ATRX: variants seen among roughly 807,000 people sequenced by gnomAD.
The protein encoded by ATRX is ATRX chromatin remodeler.
Under a neutral mutation model 172.6 loss-of-function variants are expected in ATRX, and 12 were observed. The ratio of observed to expected loss-of-function variants is 0.07; its 90% CI spans 0.04 to 0.11. The LOEUF (loss-of-function observed/expected upper bound fraction) is 0.11, where lower values mean the gene tolerates loss of function less well. ATRX is among the 10% of genes least tolerant of loss of function. The pLI is 1.00. For missense variants in ATRX, 1,368 were observed against 1,767.4 expected, an observed-to-expected ratio of 0.77 and a Z score of 4.05; for synonymous variants, 674 against 594.7, an observed-to-expected ratio of 1.13 and a Z score of -1.94.
intron 10 of ATRX, among the ~76,000 whole-genome samples, chrX:77,671,168 ATATATATATATATATATAT>A (rs2070578831): frequency 1.2e-4 from 1 of 8,523 alleles, no homozygotes; most frequent in African/African-American, 2.8e-4. Context: ...AAAAAAAAAA[ATATATATATATATATATAT>A]ATATATATAA....
At chrX:77,620,331 C>A in intron 20 of ATRX, 64 bp downstream of exon 20, 1 of 1,135,669 alleles carries the variant, frequency 8.8e-7, no homozygotes, top group South Asian at 1.8e-5. Flanking sequence ...TAAATGGTAA[C>A]GTTACAAAAA....
At chrX:77,620,987 T>A (rs2148275648) in intron 19 of ATRX, among the ~76,000 whole-genome samples, 1 of 112,180 alleles carries the variant, frequency 8.9e-6, no homozygotes, top group Admixed American at 9.4e-5. Context: ...AAGAATAATA[T>A]ATGTCACAAC....
chrX:77,561,933 A>G (rs999765435), intron 28 of ATRX, among the ~76,000 whole-genome samples: 1 of 111,677 alleles, frequency 9.0e-6, no homozygotes, highest in African/African-American at 3.3e-5. Context: ...TTTATCATGC[A>G]TGTAGAATCA....
intron 2 of ATRX, among the ~76,000 whole-genome samples, chrX:77,714,807 A>T (rs918028471): frequency 1.8e-5 from 2 of 112,236 alleles, no homozygotes; most frequent in Non-Finnish European, 3.8e-5. Context: ...AAGAAACAGG[A>T]CTACTAAATC....
chrX:77,623,931 C>T (rs1190313347), intron 19 of ATRX, among the ~76,000 whole-genome samples: 1 of 111,762 alleles, frequency 8.9e-6, no homozygotes, highest in Non-Finnish European at 1.9e-5. Context: ...CTATGACAAA[C>T]CCATAGCCAA....
At position 77,723,417 on chromosome X, in the gene ATRX, T is replaced by C. The variant is rs782458122; in HGVS notation, c.21-6174A>G. On this transcript the variant is annotated intron_variant, in intron 1 of 34. Transcript: ENST00000373344. ...CTGTATTTAGTTAAGAATAGCTCAG[T>C]ATATTTAGGGAAGGAAAAGAAATGA... Among the ~76,000 whole-genome samples the C allele has an allele frequency of 2.7e-5, 3 of 111,662 alleles. No individual in the cohort carries two copies. In the East Asian group the frequency reaches 8.4e-4, roughly 31 times the overall value.
chrX:77,561,370 C>T (rs1557061901), intron 28 of ATRX, among the ~76,000 whole-genome samples: 2 of 110,640 alleles, frequency 1.8e-5, no homozygotes, highest in African/African-American at 6.6e-5. Flanking sequence ...AACTTCAATA[C>T]GCAAGTCCAT....
At chrX:77,618,466 A>G (rs929985666) in intron 21 of ATRX, among the ~76,000 whole-genome samples, 1 of 112,013 alleles carries the variant, frequency 8.9e-6, no homozygotes, top group Non-Finnish European at 1.9e-5. Context: ...ACTGTACTAC[A>G]GAATTAGGGT....
At chrX:77,588,632 A>G (rs1298102297) in intron 27 of ATRX, among the ~76,000 whole-genome samples, 1 of 111,081 alleles carries the variant, frequency 9.0e-6, no homozygotes, top group Non-Finnish European at 1.9e-5. Flanking sequence ...TAAATAAAAG[A>G]AAGTGATACA....
intron 15 of ATRX, among the ~76,000 whole-genome samples, chrX:77,650,497 A>G (rs184901881): frequency 1.2e-3 from 139 of 112,405 alleles, no homozygotes; most frequent in African/African-American, 3.0e-3. Flanking sequence ...AGAACCAAAG[A>G]GAAACTAGGT....
At chrX:77,621,848 A>AAAC (rs1468398856) in intron 19 of ATRX, among the ~76,000 whole-genome samples, 1 of 108,797 alleles carries the variant, frequency 9.2e-6, no homozygotes, top group Non-Finnish European at 1.9e-5. Flanking sequence ...TAGTAAAAAA[A>AAAC]AACAACAACA....
chrX:77,607,395 A>G (rs1417261011), intron 22 of ATRX, among the ~76,000 whole-genome samples: 1 of 112,051 alleles, frequency 8.9e-6, no homozygotes, highest in Non-Finnish European at 1.9e-5. Flanking sequence ...TACAATAGCT[A>G]CAAATAAAAC....
At chrX:77,546,391 C>T (rs1453264956) in intron 30 of ATRX, among the ~76,000 whole-genome samples, 2 of 111,549 alleles carry the variant, frequency 1.8e-5, no homozygotes, top group Non-Finnish European at 3.8e-5. Flanking sequence ...TATACTACTA[C>T]ATACCTTGTA....
At chrX:77,733,547 T>C (rs1050490676) in intron 1 of ATRX, among the ~76,000 whole-genome samples, 1 of 109,033 alleles carries the variant, frequency 9.2e-6, no homozygotes, top group Non-Finnish European at 1.9e-5. Context: ...GCCGAGAACA[T>C]ATGCTGGGGA....
intron 2 of ATRX, among the ~76,000 whole-genome samples, chrX:77,701,676 T>G (rs937601785): frequency 1.8e-5 from 2 of 111,349 alleles, no homozygotes; most frequent in Admixed American, 9.5e-5. Context: ...CTCTCACCAT[T>G]TCTATTCAAC....
At chrX:77,600,919 A>T (rs1320929119) in intron 22 of ATRX, among the ~76,000 whole-genome samples, 3 of 111,770 alleles carry the variant, frequency 2.7e-5, no homozygotes, top group African/African-American at 9.7e-5. Flanking sequence ...AATATTTCTG[A>T]TTTCTATTGG....
Position 77,684,929 on chromosome X carries a change from T to C in ATRX, c.662+10A>G. ...GAAACACTGAATGTTAGCTCATCTATATTACCTACCTACATTGTTCATCCA... is the reference window on the plus strand; with the variant it reads ...GAAACACTGAATGTTAGCTCATCTACATTACCTACCTACATTGTTCATCCA... On this transcript the variant is annotated intron_variant, in intron 8 of 34. Coordinates refer to ENST00000373344, the MANE Select transcript of ATRX (RefSeq NM_000489.6). 1 of 1,187,616 alleles carries C rather than the reference T, an allele frequency of 8.4e-7. No individual in the cohort carries two copies.
At chrX:77,526,745 G>A (rs938962316) in intron 30 of ATRX, among the ~76,000 whole-genome samples, 20 of 112,185 alleles carry the variant, frequency 1.8e-4, no homozygotes, top group African/African-American at 4.5e-4. Flanking sequence ...ATAATACCAC[G>A]CACTATTTTA....
intron 34 of ATRX, among the ~76,000 whole-genome samples, chrX:77,512,079 A>T (rs1191485687): frequency 8.9e-6 from 1 of 112,113 alleles, no homozygotes; most frequent in Non-Finnish European, 1.9e-5. Context: ...ATGCAGCAAG[A>T]GAAAGGAAAC....
Sources: allele counts gnomAD v4.1 joint callset (sites outside exome capture counted in the v4.1 genomes callset), GRCh38; gene constraint gnomAD v4.1.1; transcripts MANE v1.5; gene names NCBI Gene and HGNC (gene_info 2026-07-23, HGNC 2026-07-21).